SEMA6D: variants seen among roughly 807,000 people sequenced by gnomAD.
SEMA6D encodes the protein semaphorin-6D.
In SEMA6D, 35 loss-of-function variants were observed where a neutral mutation model predicts 106.6. The ratio of observed to expected loss-of-function variants is 0.33; its 90% confidence interval spans 0.25 to 0.44. SEMA6D has a LOEUF of 0.44. SEMA6D is among the 20% of genes least tolerant of loss of function. The pLI is 1.00. For synonymous variants in SEMA6D, 499 were observed against 487.7 expected (o/e 1.02, Z -0.31); for missense variants, 1,185 against 1,345.9 (o/e 0.88, Z 1.87).
chr15:47,660,131 G>A (rs1374373671), intron 4 of SEMA6D, among the ~76,000 whole-genome samples: 1 of 151,026 alleles, frequency 6.6e-6, no homozygotes, highest in Non-Finnish European at 1.5e-5. Context: ...GGAAATAGTT[G>A]CTGAATAGGC....
chr15:47,617,297 A>T (rs17378980), intron 4 of SEMA6D, among the ~76,000 whole-genome samples: 25,005 of 152,210 alleles, frequency 0.16, 2,589 homozygotes, highest in South Asian at 0.3. Flanking sequence ...AATCATAGTT[A>T]GTAGTTGATA....
chr15:47,297,910 G>A (rs1008858490), intron 1 of SEMA6D, among the ~76,000 whole-genome samples: 2 of 152,154 alleles, frequency 1.3e-5, no homozygotes, highest in African/African-American at 4.8e-5. Context: ...ATGTTTCAAG[G>A]ACAGAAGGTA....
chr15:47,331,340 A>G (rs1055527341), intron 1 of SEMA6D, among the ~76,000 whole-genome samples: 1 of 152,234 alleles, frequency 6.6e-6, no homozygotes, highest in African/African-American at 2.4e-5. Context: ...GCAAAGATAT[A>G]TATGGAAGTA....
At chr15:47,770,009 A>C (rs1292640850) in intron 18 of SEMA6D, among the ~76,000 whole-genome samples, 1 of 152,168 alleles carries the variant, frequency 6.6e-6, no homozygotes, top group East Asian at 1.9e-4. Flanking sequence ...AACAAATTAT[A>C]TGTTCATATT....
intron 1 of SEMA6D, among the ~76,000 whole-genome samples, chr15:47,345,531 C>T (rs570047998): frequency 6.6e-6 from 1 of 152,180 alleles, no homozygotes; most frequent in South Asian, 2.1e-4. Context: ...ATTTATACCT[C>T]ATAGCATACA....
intron 1 of SEMA6D, among the ~76,000 whole-genome samples, chr15:47,284,134 AT>A (rs1266727454): frequency 6.6e-6 from 1 of 152,188 alleles, no homozygotes; most frequent in Non-Finnish European, 1.5e-5. Flanking sequence ...TCAGACAGGA[AT>A]CCTTTTTTAA....
chr15:47,451,603 C>A (rs961270886), intron 2 of SEMA6D, among the ~76,000 whole-genome samples: 1 of 152,006 alleles, frequency 6.6e-6, no homozygotes, highest in African/African-American at 2.4e-5. Flanking sequence ...TCCCTTTCCC[C>A]ACAAACCCAA....
intron 4 of SEMA6D, among the ~76,000 whole-genome samples, chr15:47,615,139 T>A (rs1489375101): frequency 6.6e-6 from 1 of 152,242 alleles, no homozygotes; most frequent in African/African-American, 2.4e-5. Context: ...TATGTATGAT[T>A]CGACCAACCA....
chr15:47,204,136 A>G (rs1894893909), intron 1 of SEMA6D, among the ~76,000 whole-genome samples: 1 of 152,106 alleles, frequency 6.6e-6, no homozygotes. Context: ...ATTCAAGGTG[A>G]TTTGTGAGGA....
intron 2 of SEMA6D, among the ~76,000 whole-genome samples, chr15:47,469,451 A>C (rs1277432134): frequency 2.0e-5 from 3 of 152,034 alleles, no homozygotes; most frequent in Non-Finnish European, 2.9e-5. Context: ...GGACACTTCA[A>C]CCTGTTCAGT....
chr15:47,643,578 A>G (rs2077528517), intron 4 of SEMA6D, among the ~76,000 whole-genome samples: 1 of 152,234 alleles, frequency 6.6e-6, no homozygotes, highest in Admixed American at 6.5e-5. Context: ...ACAAACTTCC[A>G]AGGAATGTTA....
At chr15:47,708,591 G>T (rs922742318) in intron 4 of SEMA6D, among the ~76,000 whole-genome samples, 3 of 152,162 alleles carry the variant, frequency 2.0e-5, no homozygotes, top group Admixed American at 2.0e-4. Context: ...GTCAGGTTGC[G>T]TGCTCTCTCA....
chr15:47,184,935 T>C (rs8025375), intron 1 of SEMA6D, among the ~76,000 whole-genome samples: 41,841 of 152,144 alleles, frequency 0.28, 6,061 homozygotes, highest in Non-Finnish European at 0.32. Context: ...GCAGGGCTGG[T>C]TGGGTGAGCA....
intron 3 of SEMA6D, among the ~76,000 whole-genome samples, chr15:47,485,735 C>T (rs1475804770): frequency 6.6e-6 from 1 of 152,178 alleles, no homozygotes; most frequent in Non-Finnish European, 1.5e-5. Flanking sequence ...CACCGAGCCA[C>T]AGTGCTATGG....
At chr15:47,323,431 G>T (rs1213792482) in intron 1 of SEMA6D, among the ~76,000 whole-genome samples, 2 of 152,188 alleles carry the variant, frequency 1.3e-5, no homozygotes, top group Admixed American at 1.3e-4. Context: ...GAAGCCATCT[G>T]TAAGGCTGAG....
At chr15:47,381,439 G>A (rs1162262316) in intron 1 of SEMA6D, among the ~76,000 whole-genome samples, 6 of 152,220 alleles carry the variant, frequency 3.9e-5, no homozygotes, top group African/African-American at 1.2e-4. Context: ...CTGGAGTGAC[G>A]CCTATAGCAT....
intron 1 of SEMA6D, among the ~76,000 whole-genome samples, chr15:47,349,790 G>C (rs773566877): frequency 6.6e-6 from 1 of 152,138 alleles, no homozygotes; most frequent in Non-Finnish European, 1.5e-5. Flanking sequence ...TAATGTGGTA[G>C]AATATATTCA....
Position 47,210,549 on chromosome 15 carries a change from C to A in SEMA6D, c.-239+26131C>A, listed in dbSNP as rs192179231. Among the ~76,000 whole-genome samples, 425 of 151,600 alleles carry A rather than the reference C, an allele frequency of 2.8e-3. 1 individual carries two copies. The highest frequency in any genetic ancestry group is 9.3e-3 in the African/African-American group (383 of 41,306). The stretch of plus-strand genomic sequence containing the variant: ...CAGCACTTTGGGAGGCTGAGGTGGG[C>A]GGATCACGAGATCAAGACCATCCTG... On this transcript the variant is annotated intron_variant, in intron 1 of 19. Coordinates refer to the SEMA6D transcript ENST00000558014.
chr15:47,638,704 T>C (rs1247296870), intron 4 of SEMA6D, among the ~76,000 whole-genome samples: 1 of 152,212 alleles, frequency 6.6e-6, no homozygotes, highest in African/African-American at 2.4e-5. Flanking sequence ...AGTTGTTAAT[T>C]TGGATTGGCA....
Sources: allele counts gnomAD v4.1 joint callset (sites outside exome capture counted in the v4.1 genomes callset), GRCh38; gene constraint gnomAD v4.1.1; transcripts MANE v1.5; gene names NCBI Gene and HGNC (gene_info 2026-07-23, HGNC 2026-07-21).